WDR36: variants seen among roughly 807,000 people sequenced by gnomAD.
The protein encoded by WDR36 is WD repeat-containing protein 36.
WDR36 carries 63 observed loss-of-function variants against 112.7 expected under a neutral mutation model. That is an observed-to-expected ratio of 0.56 (90% CI 0.46 to 0.69). The LOEUF is 0.69. WDR36 is among the 30% of genes least tolerant of loss of function. The pLI is 0.00. For missense variants in WDR36, 1,226 were observed against 1,070.3 expected (o/e 1.15, Z -2.03); for synonymous variants, 410 against 362.2 (o/e 1.13, Z -1.50).
Position 111,107,968 on chromosome 5 carries a change from G to A in WDR36, c.1326+529G>A, listed in dbSNP as rs373931984. ...TTTTCAAGATTGTTTTGGCTCTTCT[G>A]GTCCCTTGCATTTCCGTATGGATTT... On this transcript the variant is annotated intron_variant, in intron 12 of 22. Coordinates refer to ENST00000513710, the MANE Select transcript of WDR36 (RefSeq NM_139281.3). Among the ~76,000 whole-genome samples, 9 of 151,084 alleles carry A rather than the reference G, an allele frequency of 6.0e-5. 1 individual carries two copies. The highest frequency in any genetic ancestry group is 3.4e-3 in the Middle Eastern group (1 of 292).
Position 111,129,703 on chromosome 5 carries a change from ACAAT to A in WDR36, c.*2824_*2827del, listed in dbSNP as rs1160161562. ...TTAAATAAATGTTTTATATTTGTATACAATCAAATTGATTAATTTTCATGACTTA... is the reference window on the plus strand; with the variant it reads ...TTAAATAAATGTTTTATATTTGTATACAAATTGATTAATTTTCATGACTTA... On this transcript the variant is annotated 3_prime_UTR_variant, in exon 23 of 23. Transcript: ENST00000513710. 1 of 200,164 alleles carries A rather than the reference ACAAT, an allele frequency of 5.0e-6. No homozygotes were observed. The highest frequency in any genetic ancestry group is 1.0e-5 in the Non-Finnish European group (1 of 97,138). The allele number at this position is 200,164 out of a possible 1,614,324, so 12.4% of individuals were successfully genotyped here.
rs1291948645 is a variant in WDR36, at chr5:111,110,952, A to T, written c.1606A>T (p.Ser536Cys). ...AAATATCATGTTGCTACATAGGGAC[A>T]GGTAAACTTTTAATGATAATGGATT... ...SPNIMLLHRD[S>C]GILGLALDDF... The change falls in exon 14 of 23, where the codon AGT becomes TGT. Residue 536 changes from serine (S) to cysteine (C), a missense_variant and splice_region_variant. By Grantham distance (112) the Ser-to-Cys change is moderately radical. Transcript: ENST00000513710. 2 of 1,610,868 alleles carry T rather than the reference A, an allele frequency of 1.2e-6. No homozygotes were observed. The highest frequency in any genetic ancestry group is 1.7e-6 in the Non-Finnish European group (2 of 1,178,178).
chr5:111,122,955 C>T (rs1162856505), intron 19 of WDR36, among the ~76,000 whole-genome samples: 1 of 152,036 alleles, frequency 6.6e-6, no homozygotes, highest in African/African-American at 2.4e-5. Flanking sequence ...ACTATAAATA[C>T]AAAAATGAGC....
intron 4 of WDR36, among the ~76,000 whole-genome samples, chr5:111,099,465 T>TTTTTTTTTTTTTTTTTG (rs1753072474): frequency 7.5e-5 from 1 of 13,362 alleles, no homozygotes; most frequent in African/African-American, 2.3e-4. Context: ...TTTTTTTTGT[T>TTTTTTTTTTTTTTTTTG]TTTTTTTTTT....
chr5:111,111,372 G>A, intron 15 of WDR36, 94 bp downstream of exon 15: 1 of 997,324 alleles, frequency 1.0e-6, no homozygotes, highest in Admixed American at 1.8e-5. Context: ...ATATGAGGTG[G>A]TTATCAATTT....
chr5:111,098,961 C>T, intron 4 of WDR36, 122 bp downstream of exon 4: 1 of 730,930 alleles, frequency 1.4e-6, no homozygotes, highest in Non-Finnish European at 2.3e-6. Flanking sequence ...TTAAAAAAAT[C>T]AAAAATCTTT....
intron 5 of WDR36, among the ~76,000 whole-genome samples, chr5:111,101,640 A>C (rs1330184560): frequency 1.3e-5 from 2 of 151,892 alleles, no homozygotes; most frequent in Non-Finnish European, 2.9e-5. Flanking sequence ...TTTAAAAAGC[A>C]AACAAAAATA....
At chr5:111,113,260 C>G in intron 16 of WDR36, 107 bp downstream of exon 16, 1 of 604,858 alleles carries the variant, frequency 1.7e-6, no homozygotes. Context: ...TTCAATGTGA[C>G]TATATTTGGA....
rs137855986 is a variant in WDR36 at position 111,100,602 on chromosome 5, G to A, written c.423G>A (p.Gln141=). ...TCACTTTTGTAGAAGAATACCTGCA[G>A]TTGACTTTTGATAAATCAGTATTTA... ...WHIYSEEEYL[Q]LTFDKSVFKI... Residue 141 remains glutamine (Q), a synonymous_variant, in exon 5 of 23, where the codon CAG becomes CAA. Transcript: ENST00000513710. 3.9e-3 allele frequency: 6,121 copies of A among 1,576,300 alleles called. 21 individuals carry two copies. Among genetic ancestry groups the A allele is most frequent in the Non-Finnish European group, 4.8e-3 (5,594 of 1,155,088 alleles).
At chr5:111,099,475 T>TTTTTTTTTTTTTG (rs1753073740) in intron 4 of WDR36, among the ~76,000 whole-genome samples, 2 of 136,216 alleles carry the variant, frequency 1.5e-5, no homozygotes, top group Admixed American at 7.5e-5. Flanking sequence ...TTTTTTTTTT[T>TTTTTTTTTTTTTG]TTTTTTTTTC....
At position 111,110,218 on chromosome 5, in the gene WDR36, T is replaced by C. The variant is rs536682276; in HGVS notation, c.1356T>C (p.Phe452=). The change falls in exon 13 of 23, where the codon TTT becomes TTC. Residue 452 remains phenylalanine, a synonymous_variant. Coordinates refer to ENST00000513710, the MANE Select transcript of WDR36 (RefSeq NM_139281.3). ...TGGATATAACTTCTTGTGGAAACTT[T>C]GCTGTAATTGGCCTCTCATCAGGAA... The part of the protein sequence containing the change: ...TAVDITSCGN[F]AVIGLSSGTV... 4.3e-6 allele frequency: 7 copies of C among 1,610,976 alleles called. No individual in the cohort carries two copies. In the African/African-American group the frequency reaches 6.7e-5, roughly 15 times the overall value.
intron 16 of WDR36, among the ~76,000 whole-genome samples, chr5:111,114,265 A>G (rs914978662): frequency 6.6e-6 from 1 of 152,210 alleles, no homozygotes; most frequent in Admixed American, 6.6e-5. Context: ...TGGGAATAGC[A>G]AAACATCTAA....
At chr5:111,096,661 A>T (rs1051201351) in intron 2 of WDR36, among the ~76,000 whole-genome samples, 33 of 152,022 alleles carry the variant, frequency 2.2e-4, no homozygotes, top group African/African-American at 7.7e-4. Flanking sequence ...CCAAGATTGC[A>T]TCACTGCACT....
chr5:111,120,579 C>T lies in WDR36; in HGVS notation c.1988C>T (p.Thr663Ile). Residue 663 changes from threonine to isoleucine, a missense_variant, in exon 18 of 23, where the codon ACT (threonine) becomes ATT (isoleucine). Thr to Ile is a moderately conservative substitution (Grantham distance 89). Coordinates refer to ENST00000513710, the MANE Select transcript of WDR36 (RefSeq NM_139281.3). ...YVPSIVMLPG[T>I]CQTQDVEVSE... The stretch of plus-strand genomic sequence containing the variant: ...CCTTCAATAGTCATGCTTCCTGGTA[C>T]TTGTCAAACCCAAGGTAATTAGAAA... 1 of 1,611,574 alleles carries T rather than the reference C, an allele frequency of 6.2e-7. No homozygotes were observed. Among genetic ancestry groups the T allele is most frequent in the Non-Finnish European group, 8.5e-7 (1 of 1,178,054 alleles).
At chr5:111,112,615 T>G (rs997731597) in intron 15 of WDR36, among the ~76,000 whole-genome samples, 1 of 151,976 alleles carries the variant, frequency 6.6e-6, no homozygotes, top group African/African-American at 2.4e-5. Context: ...AAATAATGGG[T>G]GGCATAAGTA....
At chr5:111,106,438 A>G (rs10056179) in intron 11 of WDR36, among the ~76,000 whole-genome samples, 20,228 of 151,428 alleles carry the variant, frequency 0.13, 1,443 homozygotes, top group South Asian at 0.28. Context: ...CACTAATGTA[A>G]AAAGAACTGG....
In WDR36 at chr5:111,107,297, A is replaced by C; in HGVS notation, c.1184A>C (p.Glu395Ala). 1 of 1,609,560 alleles carries C rather than the reference A, an allele frequency of 6.2e-7. No individual in the cohort carries two copies. Among genetic ancestry groups the C allele is most frequent in the Non-Finnish European group, 8.5e-7 (1 of 1,177,126 alleles). ...LPPITKFAAE[E>A]ARESDWDGII... is the part of the protein sequence containing the mutation. ...TATGATTTTCATTACGTTTTAGAGG[A>C]AGCTCGTGAAAGTGACTGGGATGGT... Residue 395 changes from glutamate to alanine, a missense_variant, in exon 12 of 23, where the codon GAA (glutamate) becomes GCA (alanine). Glu to Ala is a moderately radical substitution (Grantham distance 107, BLOSUM62 -1). Coordinates refer to ENST00000513710, the MANE Select transcript of WDR36 (RefSeq NM_139281.3).
chr5:111,125,871 A>G lies in WDR36; in HGVS notation c.2538+76A>G, dbSNP rs895331531. 5 of 1,500,324 alleles carry G rather than the reference A, an allele frequency of 3.3e-6. No homozygotes were observed. In the African/African-American group the frequency reaches 6.9e-5, roughly 21 times the overall value. 92.9% of individuals were successfully genotyped at this position (1,500,324 alleles called of 1,614,324 possible). A position where few individuals can be genotyped will look rare whatever the true frequency, so the allele number is the denominator to read the frequency against. On this transcript the variant is annotated intron_variant, in intron 22 of 22. Transcript: ENST00000513710. ...TGCTATCTAACAGAACTTTCTGCAA[A>G]GATGGGTATGCTGTATATCCATCCT...
chr5:111,117,589 T>C (rs1284609137), intron 16 of WDR36, among the ~76,000 whole-genome samples: 1 of 152,222 alleles, frequency 6.6e-6, no homozygotes, highest in Non-Finnish European at 1.5e-5. Flanking sequence ...AGTTGCTTTC[T>C]ACCTTGAGCG....
Sources: gnomAD v4.1 joint callset for allele counts (sites outside exome capture counted in the v4.1 genomes callset) on GRCh38, gnomAD v4.1.1 for gene constraint, MANE v1.5 for transcripts, NCBI Gene and HGNC (gene_info 2026-07-23, HGNC 2026-07-21) for gene names.